Variants in POSTN observed in about 807,000 individuals in gnomAD.
POSTN encodes the protein periostin.
POSTN carries 71 observed loss-of-function variants against 104.5 expected under a neutral mutation model. That is an observed-to-expected ratio of 0.68 (90% CI 0.56 to 0.83). The LOEUF (loss-of-function observed/expected upper bound fraction) is 0.83, where lower values mean the gene tolerates loss of function less well. POSTN is among the 40% of genes least tolerant of loss of function. POSTN has a pLI of 0.00. For synonymous variants in POSTN, 355 were observed against 340.7 expected, an observed-to-expected ratio of 1.04 and a Z score of -0.46; for missense variants, 949 against 1,006.8, an observed-to-expected ratio of 0.94 and a Z score of 0.78.
At chr13:37,569,595 C>G in intron 20 of POSTN, 149 bp downstream of exon 20, 1 of 824,698 alleles carries the variant, frequency 1.2e-6, no homozygotes, top group Non-Finnish European at 2.1e-6. Flanking sequence ...GCCATTTATG[C>G]TTAATTCCTT....
intron 3 of POSTN, 66 bp downstream of exon 3, chr13:37,592,034 C>T (rs2138376266): frequency 8.8e-7 from 1 of 1,139,550 alleles, no homozygotes; most frequent in Middle Eastern, 2.0e-4. Flanking sequence ...TTGGCTTCTC[C>T]ACAAGCCACC....
chr13:37,563,694 G>A (rs1949995459), intron 22 of POSTN, among the ~76,000 whole-genome samples: 1 of 151,972 alleles, frequency 6.6e-6, no homozygotes, highest in Non-Finnish European at 1.5e-5. Context: ...TCTGTATATT[G>A]GATTGGTTTA....
intron 16 of POSTN, 57 bp downstream of exon 16, chr13:37,577,696 T>C (rs1212639159): frequency 6.3e-7 from 1 of 1,593,090 alleles, no homozygotes; most frequent in Non-Finnish European, 8.5e-7. Context: ...AAGAAATGTA[T>C]TGTTTTCTTT....
chr13:37,567,643 G>A (rs888588705), intron 21 of POSTN, among the ~76,000 whole-genome samples: 1 of 151,862 alleles, frequency 6.6e-6, no homozygotes, highest in Non-Finnish European at 1.5e-5. Context: ...TAGTTGACGT[G>A]GCATTGTGAA....
intron 17 of POSTN, among the ~76,000 whole-genome samples, chr13:37,573,438 T>C (rs1950312276): frequency 6.6e-6 from 1 of 151,328 alleles, no homozygotes; most frequent in Admixed American, 6.6e-5. Context: ...TTTCAAAGAA[T>C]AACTCAATTT....
chr13:37,585,965 A>G (rs1015333396), intron 7 of POSTN, among the ~76,000 whole-genome samples, 174 bp downstream of exon 7: 2 of 152,210 alleles, frequency 1.3e-5, no homozygotes, highest in Admixed American at 6.6e-5. Context: ...ATTATTTAAG[A>G]ATTATACTCT....
chr13:37,575,530 T>C (rs948428675), intron 16 of POSTN, among the ~76,000 whole-genome samples: 12 of 152,128 alleles, frequency 7.9e-5, no homozygotes, highest in African/African-American at 2.9e-4. Flanking sequence ...ACTGATTAAC[T>C]GGAAATGTGC....
At chr13:37,584,585 TTG>T in intron 8 of POSTN, 129 bp downstream of exon 8, 1 of 729,814 alleles carries the variant, frequency 1.4e-6, no homozygotes, top group Non-Finnish European at 2.2e-6. Flanking sequence ...TCACTATTTA[TTG>T]TGTTAGTGCT....
chr13:37,564,482 G>A, intron 22 of POSTN, 37 bp downstream of exon 22: 2 of 1,211,472 alleles, frequency 1.7e-6, no homozygotes, highest in Non-Finnish European at 2.4e-6. Flanking sequence ...TAACAAAAGA[G>A]GCCATATACA....
chr13:37,587,825 A>T lies in POSTN; in HGVS notation c.603T>A (p.Asn201Lys). Residue 201 changes from asparagine (N) to lysine (K), a missense_variant, in exon 5 of 23, where the codon AAT becomes AAA. Physicochemically the swap from Asn to Lys is moderately conservative, Grantham distance 94. Coordinates refer to ENST00000379747, the MANE Select transcript of POSTN (RefSeq NM_006475.3). ...ACTTTTTACTGATAAAACTTACCCC[A>T]TTAGGATAATGGTTAATGAAAAGCC... ...NLGLFINHYP[N>K]GVVTVNCARI... 6.3e-7 allele frequency: 1 copy of T among 1,586,772 alleles called. No individual in the cohort carries two copies. The highest frequency in any genetic ancestry group is 2.2e-5 in the East Asian group (1 of 44,528).
Position 37,580,597 on chromosome 13 carries a change from G to T in POSTN, c.1493C>A (p.Ser498Tyr), listed in dbSNP as rs776238863. The T allele has an allele frequency of 6.8e-6, 11 of 1,614,074 alleles. No homozygotes were observed. In the East Asian group the frequency reaches 2.5e-4, roughly 36 times the overall value. ...FREIIKPAEK[S>Y]LHEKLKQDKR... ...ATCTTGTTTTAACTTTTCATGGAGG[G>T]ATTTCTCTGCTGGCTTGATGATCTC... Residue 498 changes from serine (S) to tyrosine (Y), a missense_variant, in exon 11 of 23, where the codon TCC (serine) becomes TAC (tyrosine). Transcript: ENST00000379747.
chr13:37,583,823 T>C (rs770377496), intron 9 of POSTN, 146 bp downstream of exon 9: 52 of 832,226 alleles, frequency 6.2e-5, no homozygotes, highest in Non-Finnish European at 8.8e-5. Context: ...GTAGAGACCA[T>C]GTAGTGTTAA....
intron 22 of POSTN, among the ~76,000 whole-genome samples, chr13:37,564,015 A>T (rs1032434994): frequency 2.0e-5 from 3 of 151,244 alleles, no homozygotes; most frequent in South Asian, 4.2e-4. Context: ...TACATTTCTT[A>T]TTTACTTATG....
intron 3 of POSTN, among the ~76,000 whole-genome samples, chr13:37,590,816 T>C (rs1401962553): frequency 1.3e-5 from 2 of 152,172 alleles, no homozygotes; most frequent in African/African-American, 2.4e-5. Flanking sequence ...GCTATGTCAA[T>C]AATAATTCAA....
At chr13:37,588,630 A>G (rs907059058) in intron 4 of POSTN, among the ~76,000 whole-genome samples, 1 of 152,184 alleles carries the variant, frequency 6.6e-6, no homozygotes, top group Non-Finnish European at 1.5e-5. Context: ...TTGGAGATAG[A>G]CCATGAGATT....
At chr13:37,597,384 G>A (rs906719529) in intron 1 of POSTN, 102 bp from the exon 2 acceptor site, 1 of 695,688 alleles carries the variant, frequency 1.4e-6, no homozygotes, top group Non-Finnish European at 2.4e-6. Context: ...ATGTGGATTT[G>A]ATATCCAAAG....
chr13:37,578,791 T>G, intron 15 of POSTN, 53 bp downstream of exon 15: 1 of 1,303,522 alleles, frequency 7.7e-7, no homozygotes, highest in East Asian at 2.7e-5. Flanking sequence ...AAAGCGAGAC[T>G]CCATCTCAAA....
Position 37,588,052 on chromosome 13 carries a change from C to T in POSTN, c.442-66G>A, listed in dbSNP as rs1433081521. The T allele has an allele frequency of 3.1e-6, 4 of 1,271,238 alleles. No individual in the cohort carries two copies. The East Asian group carries it at 9.6e-5, about 31-fold the overall frequency. The allele number at this position is 1,271,238 out of a possible 1,614,324, so 78.7% of individuals were successfully genotyped here. A position where few individuals can be genotyped will look rare whatever the true frequency, so the allele number is the denominator to read the frequency against. ...AACATTAGTAAAAGTCTTACGATCACCCTATTTCTACTCTCTTGCTATTTT... is the reference window on the plus strand; with the variant it reads ...AACATTAGTAAAAGTCTTACGATCATCCTATTTCTACTCTCTTGCTATTTT... On this transcript the variant is annotated intron_variant, in intron 4 of 22. Coordinates refer to ENST00000379747, the MANE Select transcript of POSTN (RefSeq NM_006475.3).
intron 21 of POSTN, among the ~76,000 whole-genome samples, chr13:37,565,815 T>G (rs1170863517): frequency 6.6e-6 from 1 of 152,122 alleles, no homozygotes; most frequent in Non-Finnish European, 1.5e-5. Flanking sequence ...GATGTAAATA[T>G]AAATATTTCT....
Sources: allele counts gnomAD v4.1 joint callset (sites outside exome capture counted in the v4.1 genomes callset), GRCh38; gene constraint gnomAD v4.1.1; transcripts MANE v1.5; gene names NCBI Gene and HGNC (gene_info 2026-07-23, HGNC 2026-07-21).